Variants in MTAP observed in about 807,000 individuals in gnomAD.
MTAP encodes the protein methylthioadenosine phosphorylase.
A neutral mutation model predicts 33.6 loss-of-function variants in MTAP; 33 were observed. The ratio of observed to expected loss-of-function variants is 0.98; its 90% CI spans 0.74 to 1.31. MTAP has a LOEUF of 1.31. MTAP is among the 40% of genes most tolerant of loss of function. The pLI is 0.00. For synonymous variants in MTAP, 148 were observed against 125.7 expected, an observed-to-expected ratio of 1.18 and a Z score of -1.19; for missense variants, 367 against 360.0, an observed-to-expected ratio of 1.02 and a Z score of -0.16.
rs541204289 is a variant in MTAP, at chr9:21,928,979, A to G, written c.148-2029A>G. Among the ~76,000 whole-genome samples, 14 of 152,068 alleles carry G rather than the reference A, an allele frequency of 9.2e-5. No individual in the cohort carries two copies. In the South Asian group the frequency reaches 2.1e-3, roughly 23 times the overall value. ...GGAATATGGGTTAAAAACAAACCCA[A>G]CGTCGGAAGGGGAAACAATCCCAGC... is the stretch of plus-strand genomic sequence containing the variant. On this transcript the variant is annotated intron_variant, in intron 1 of 1. Transcript: ENST00000577563.
chr9:21,811,504 TGTCAA>T (rs1367833276), intron 1 of MTAP: 1 of 262,492 alleles, frequency 3.8e-6, no homozygotes, highest in East Asian at 9.9e-5. Flanking sequence ...GAACATGTGA[TGTCAA>T]GACACAACAG....
intron 1 of MTAP, chr9:21,803,160 A>G (rs940249669): frequency 2.2e-5 from 9 of 410,568 alleles, no homozygotes; most frequent in African/African-American, 1.4e-4. Flanking sequence ...TCTTCTTCCA[A>G]GAAAGACACC....
chr9:21,859,782 C>T (rs1248221670), intron 7 of MTAP: 1 of 161,560 alleles, frequency 6.2e-6, no homozygotes, highest in East Asian at 1.8e-4. Context: ...TTTGGCAGAT[C>T]CATTCAAATT....
chr9:21,869,865 G>T (rs977486850), downstream of MTAP, among the ~76,000 whole-genome samples: 2 of 151,728 alleles, frequency 1.3e-5, no homozygotes, highest in Non-Finnish European at 2.9e-5. Context: ...AGAATGATCT[G>T]TACAAAATGC....
At chr9:21,858,151 G>A (rs1041239365) in intron 6 of MTAP, among the ~76,000 whole-genome samples, 1 of 152,126 alleles carries the variant, frequency 6.6e-6, no homozygotes, top group African/African-American at 2.4e-5. Flanking sequence ...TTAGTAGCTG[G>A]AATAATTTTC....
intron 4 of MTAP, among the ~76,000 whole-genome samples, chr9:21,824,420 G>T (rs1824729955): frequency 6.6e-6 from 1 of 152,206 alleles, no homozygotes; most frequent in Non-Finnish European, 1.5e-5. Context: ...AACGGCGAAT[G>T]TTGCTGAACA....
intron 4 of MTAP, among the ~76,000 whole-genome samples, chr9:21,824,506 G>GC (rs369060177): frequency 0.013 from 2,009 of 152,314 alleles, 35 homozygotes; most frequent in African/African-American, 0.045. Flanking sequence ...GTGTCAGTCT[G>GC]CCCTACTGGG....
At chr9:21,833,411 C>T (rs554557326) in intron 4 of MTAP, among the ~76,000 whole-genome samples, 1 of 152,272 alleles carries the variant, frequency 6.6e-6, no homozygotes, top group Non-Finnish European at 1.5e-5. Context: ...TCTTGAACAT[C>T]TAAACTCAAG....
chr9:21,922,348 A>C lies in MTAP; in HGVS notation c.148-8660A>C, dbSNP rs1448458214. Reference sequence around the variant, plus strand: ...CACAAAACTCCAGAAGCATGCCAACATATAAAACCCCAAGTCAAAGGTCAA... The same window carrying C: ...CACAAAACTCCAGAAGCATGCCAACCTATAAAACCCCAAGTCAAAGGTCAA... On this transcript the variant is annotated intron_variant, in intron 1 of 1. Transcript: ENST00000577563. The surrounding 1 kb of genome is among the most constrained non-coding windows in gnomAD (Gnocchi z 4.8). 6.6e-6 allele frequency among the ~76,000 whole-genome samples: 1 copy of C among 152,078 alleles called. No individual in the cohort carries two copies. Among genetic ancestry groups the C allele is most frequent in the African/African-American group, 2.4e-5 (1 of 41,426 alleles).
chr9:21,836,426 T>C (rs150938516), intron 4 of MTAP, among the ~76,000 whole-genome samples: 47 of 152,154 alleles, frequency 3.1e-4, no homozygotes, highest in African/African-American at 1.0e-3. Flanking sequence ...AGACAGGAGA[T>C]GGGCAGAGGT....
At chr9:21,820,548 G>C (rs1196238414) in intron 4 of MTAP, among the ~76,000 whole-genome samples, 1 of 152,206 alleles carries the variant, frequency 6.6e-6, no homozygotes, top group East Asian at 1.9e-4. Context: ...CTGTAGCCTT[G>C]TAGTGTAGTT....
chr9:21,824,863 A>C (rs1824746607), intron 4 of MTAP, among the ~76,000 whole-genome samples: 1 of 151,960 alleles, frequency 6.6e-6, no homozygotes, highest in Admixed American at 6.5e-5. Context: ...CTGTGCTAGC[A>C]ATAAGCGAGG....
Position 21,818,125 on chromosome 9 carries a change from A to G in MTAP, c.270A>G (p.Ile90Met). ...ALKEEGCTHV[I>M]VTTACGSLRE... ...AGGAAGAGGGCTGTACACATGTCATAGTGACCACAGCTTGTGGCTCCTTGA... is the reference window on the plus strand; with the variant it reads ...AGGAAGAGGGCTGTACACATGTCATGGTGACCACAGCTTGTGGCTCCTTGA... Residue 90 changes from isoleucine to methionine, a missense_variant, in exon 4 of 8, where the codon ATA becomes ATG. Coordinates refer to ENST00000644715, the MANE Select transcript of MTAP (RefSeq NM_002451.4). 6.2e-7 allele frequency: 1 copy of G among 1,614,040 alleles called. No homozygotes were observed. Among genetic ancestry groups the G allele is most frequent in the East Asian group, 2.2e-5 (1 of 44,858 alleles).
At chr9:21,912,236 T>G (rs999133034) in intron 1 of MTAP, among the ~76,000 whole-genome samples, 3 of 152,194 alleles carry the variant, frequency 2.0e-5, no homozygotes, top group Non-Finnish European at 2.9e-5. Context: ...CTTCTGAAAC[T>G]ATTCCAATCA....
chr9:21,818,163 AGCCCG>A lies in MTAP; in HGVS notation c.311_315del (p.Pro104ArgfsTer6), dbSNP rs889745951. ...TGTGGCTCCTTGAGGGAGGAGATTC[AGCCCG>A]GCGATATTGTCATTATTGATCAGTT... is the stretch of plus-strand genomic sequence containing the variant. On this transcript the variant is annotated frameshift_variant, in exon 4 of 8. Coordinates refer to ENST00000644715, the MANE Select transcript of MTAP (RefSeq NM_002451.4). LOFTEE classifies it high-confidence loss of function. 3 of 1,614,024 alleles carry A rather than the reference AGCCCG, an allele frequency of 1.9e-6. No individual in the cohort carries two copies. Among genetic ancestry groups the A allele is most frequent in the Admixed American group, 1.7e-5 (1 of 60,012 alleles).
At chr9:21,815,870 C>A (rs1250147282) in intron 2 of MTAP, among the ~76,000 whole-genome samples, 1 of 152,184 alleles carries the variant, frequency 6.6e-6, no homozygotes, top group African/African-American at 2.4e-5. Context: ...GGTCACACCA[C>A]ACTAATTAGG....
intron 1 of MTAP, among the ~76,000 whole-genome samples, chr9:21,920,117 G>A (rs147483910): frequency 6.6e-6 from 1 of 152,168 alleles, no homozygotes; most frequent in South Asian, 2.1e-4. Context: ...TAGATTTATA[G>A]ATAAGGAGAC....
intron 1 of MTAP, among the ~76,000 whole-genome samples, chr9:21,918,382 T>G (rs1818730814): frequency 6.9e-6 from 1 of 145,674 alleles, no homozygotes; most frequent in African/African-American, 2.5e-5. Context: ...AAAGAGTGAT[T>G]AATGGACTTT....
chr9:21,803,149 C>T (rs575745896), intron 1 of MTAP: 255 of 422,092 alleles, frequency 6.0e-4, no homozygotes, highest in Non-Finnish European at 9.4e-4. Context: ...CTGAGAACCA[C>T]TCTTCTTCCA....
Sources: gnomAD v4.1 joint callset for allele counts (sites outside exome capture counted in the v4.1 genomes callset) on GRCh38, gnomAD v4.1.1 for gene constraint, Gnocchi (gnomAD v3.1) non-coding constraint, MANE v1.5 for transcripts, NCBI Gene and HGNC (gene_info 2026-07-23, HGNC 2026-07-21) for gene names.